FEZ2: variants seen among roughly 807,000 people sequenced by gnomAD.
FEZ2 encodes the protein fasciculation and elongation protein zeta 2, also known as fasciculation and elongation protein zeta-2.
FEZ2 carries 51 observed loss-of-function variants against 40.4 expected under a neutral mutation model. That is an observed-to-expected ratio of 1.26 (90% CI 1.01 to 1.59). The LOEUF (loss-of-function observed/expected upper bound fraction) is 1.59. FEZ2 is among the 40% of genes most tolerant of loss of function. The pLI, the probability that FEZ2 is intolerant of heterozygous loss-of-function variation, is 0.00. For synonymous variants in FEZ2, 242 were observed against 172.0 expected (o/e 1.41, Z -3.18); for missense variants, 640 against 438.3 (o/e 1.46, Z -4.11).
At chr2:36,558,534 A>G in intron 5 of FEZ2, 21 bp from the exon 6 acceptor site, 1 of 1,441,890 alleles carries the variant, frequency 6.9e-7, no homozygotes, top group Non-Finnish European at 9.3e-7. Context: ...TAAAAAAAAA[A>G]AGTGTCACTT....
chr2:36,587,575 A>C (rs1462787646), intron 2 of FEZ2, among the ~76,000 whole-genome samples: 1 of 152,244 alleles, frequency 6.6e-6, no homozygotes, highest in Non-Finnish European at 1.5e-5. Flanking sequence ...CTTCAATCAA[A>C]GAAAAATTTA....
intron 1 of FEZ2, among the ~76,000 whole-genome samples, chr2:36,593,746 C>G (rs1016200652): frequency 6.6e-6 from 1 of 151,990 alleles, no homozygotes; most frequent in African/African-American, 2.4e-5. Flanking sequence ...CTGACATGGC[C>G]TGGAGACATT....
chr2:36,597,617 T>C (rs1459334234), intron 1 of FEZ2, among the ~76,000 whole-genome samples: 1 of 152,120 alleles, frequency 6.6e-6, no homozygotes, highest in Non-Finnish European at 1.5e-5. Context: ...TCCCTTCTAA[T>C]ACAAACGAGG....
At chr2:36,578,545 T>C (rs1668640554) in intron 5 of FEZ2, 52 bp downstream of exon 5, 5 of 1,564,246 alleles carry the variant, frequency 3.2e-6, no homozygotes, top group East Asian at 4.5e-5. Flanking sequence ...AGGCTGGGAC[T>C]ACCACAGAAC....
chr2:36,574,425 G>A (rs573071606), intron 5 of FEZ2, among the ~76,000 whole-genome samples: 11 of 152,090 alleles, frequency 7.2e-5, no homozygotes, highest in East Asian at 1.9e-4. Context: ...CGAATACCGA[G>A]AAAGTAAAGT....
In FEZ2 at chr2:36,578,675, T is replaced by A. The variant is rs1370288808; in HGVS notation, c.825A>T (p.Glu275Asp). The change falls in exon 5 of 8, where the codon GAA (glutamate) becomes GAT (aspartate). Residue 275 changes from glutamate to aspartate, a missense_variant. Coordinates refer to ENST00000405912, the MANE Select transcript of FEZ2 (RefSeq NM_005102.3). ...EVQNKQKEHK[E>D]TAKKKKKLKN... ...TTAGTTTCTTTTTCTTTTTTGCTGT[T>A]TCTTTGTGCTCTTTCTGTTTGTTTT... The A allele has an allele frequency of 6.2e-7, 1 of 1,613,960 alleles. No individual in the cohort carries two copies. The highest frequency in any genetic ancestry group is 1.7e-5 in the Admixed American group (1 of 60,020).
intron 2 of FEZ2, chr2:36,590,225 G>A (rs1466105887): frequency 2.6e-5 from 4 of 152,298 alleles, no homozygotes; most frequent in Non-Finnish European, 4.4e-5. Flanking sequence ...AGTATTCACA[G>A]GAATACACAG....
intron 4 of FEZ2, chr2:36,579,149 G>A (rs1252671689): frequency 4.2e-5 from 15 of 354,428 alleles, no homozygotes; most frequent in Middle Eastern, 7.8e-4. Flanking sequence ...ATCATTGCAT[G>A]AATAATACTT....
chr2:36,586,753 C>T (rs139443906), intron 2 of FEZ2, among the ~76,000 whole-genome samples: 1 of 152,258 alleles, frequency 6.6e-6, no homozygotes, highest in East Asian at 1.9e-4. Flanking sequence ...CCACCCTGAG[C>T]AACACAGGAA....
intron 3 of FEZ2, among the ~76,000 whole-genome samples, chr2:36,582,239 T>A (rs1299644949): frequency 3.4e-5 from 5 of 146,546 alleles, no homozygotes; most frequent in South Asian, 2.1e-4. Context: ...AAAAAAAAAA[T>A]TAAACACAAT....
intron 5 of FEZ2, among the ~76,000 whole-genome samples, chr2:36,568,211 G>A (rs530843466): frequency 4.7e-4 from 72 of 152,072 alleles, no homozygotes; most frequent in African/African-American, 1.7e-3. Flanking sequence ...GTGGGAGGGG[G>A]AAGGGAGGGA....
chr2:36,555,463 A>G, intron 7 of FEZ2: 1 of 358,968 alleles, frequency 2.8e-6, no homozygotes, highest in Non-Finnish European at 5.0e-6. Context: ...AACTGTGGAG[A>G]TTATTTCCAA....
rs1208404611 is a variant in FEZ2, at chr2:36,598,095, C to T, written c.48G>A (p.Pro16=). Residue 16 remains proline (P), a synonymous_variant, in exon 1 of 8, where the codon CCG becomes CCA. Coordinates refer to ENST00000405912, the MANE Select transcript of FEZ2 (RefSeq NM_005102.3). ...DWQDFYEFQE[P]ARSLLDQENC... is the part of the protein sequence containing the mutation. ...TCTCCTGGTCCAGGAGGCTCCGGGCCGGCTCCTGGAACTCATAGAAATCCT... is the reference window on the plus strand; with the variant it reads ...TCTCCTGGTCCAGGAGGCTCCGGGCTGGCTCCTGGAACTCATAGAAATCCT... 5 of 1,495,452 alleles carry T rather than the reference C, an allele frequency of 3.3e-6. No homozygotes were observed. Among genetic ancestry groups the T allele is most frequent in the Non-Finnish European group, 4.4e-6 (5 of 1,129,198 alleles). The allele number at this position is 1,495,452 out of a possible 1,614,324, so 92.6% of individuals were successfully genotyped here.
rs1669281257 is a variant in FEZ2, at chr2:36,597,895, C to G, written c.248G>C (p.Ser83Thr). The change falls in exon 1 of 8, where the codon AGC becomes ACC. Residue 83 changes from serine (S) to threonine (T), a missense_variant. Coordinates refer to ENST00000405912, the MANE Select transcript of FEZ2 (RefSeq NM_005102.3). ...CACTCACTCGTCCCCCTGCAGGAGGCTGCGCTCCGTGATGGGCCGCACGGC... is the reference window on the plus strand; with the variant it reads ...CACTCACTCGTCCCCCTGCAGGAGGGTGCGCTCCGTGATGGGCCGCACGGC... The part of the protein sequence containing the change: ...RTAVRPITER[S>T]LLQGDEIWNA... 2 of 1,392,684 alleles carry G rather than the reference C, an allele frequency of 1.4e-6. No individual in the cohort carries two copies. The highest frequency in any genetic ancestry group is 1.9e-6 in the Non-Finnish European group (2 of 1,080,832). 86.3% of individuals were successfully genotyped at this position (1,392,684 alleles called of 1,614,324 possible).
chr2:36,587,335 G>C (rs1668929857), intron 2 of FEZ2, among the ~76,000 whole-genome samples: 1 of 152,108 alleles, frequency 6.6e-6, no homozygotes, highest in South Asian at 2.1e-4. Flanking sequence ...TGGCTGTCAT[G>C]GGTATCATTA....
chr2:36,578,301 G>C (rs534677969), intron 5 of FEZ2, among the ~76,000 whole-genome samples: 3 of 152,298 alleles, frequency 2.0e-5, no homozygotes. Flanking sequence ...ATGTTCACTT[G>C]CTAAAGCTTC....
At chr2:36,589,614 C>T (rs905116971) in intron 2 of FEZ2, 6 of 152,180 alleles carry the variant, frequency 3.9e-5, no homozygotes, top group African/African-American at 1.4e-4. Flanking sequence ...CAAGACAGAG[C>T]AAAAGATCCC....
intron 2 of FEZ2, among the ~76,000 whole-genome samples, chr2:36,586,114 G>A (rs962419815): frequency 1.3e-5 from 2 of 152,076 alleles, no homozygotes; most frequent in African/African-American, 4.8e-5. Context: ...CTCTTGATGA[G>A]AGGGGATGTA....
At chr2:36,588,476 C>T (rs56877524) in intron 2 of FEZ2, among the ~76,000 whole-genome samples, 2,870 of 152,226 alleles carry the variant, frequency 0.019, 81 homozygotes, top group African/African-American at 0.065. Flanking sequence ...AAGAACAATA[C>T]AAGACATACA....
Sources: allele counts gnomAD v4.1 joint callset (sites outside exome capture counted in the v4.1 genomes callset), GRCh38; gene constraint gnomAD v4.1.1; transcripts MANE v1.5; gene names NCBI Gene and HGNC (gene_info 2026-07-23, HGNC 2026-07-21).